Variants in DPP10 observed in about 807,000 individuals in gnomAD.
DPP10 encodes the protein inactive dipeptidyl peptidase 10.
Under a neutral mutation model 120.9 loss-of-function variants are expected in DPP10, and 33 were observed. That is an observed-to-expected ratio of 0.27 (90% confidence interval 0.21 to 0.37). The LOEUF (loss-of-function observed/expected upper bound fraction) is 0.37, where lower values mean the gene tolerates loss of function less well. Among genes scored for constraint, DPP10 ranks in the 10% least tolerant of loss-of-function variants. The probability of loss-of-function intolerance (pLI) is 1.00; values close to 1 mark genes in which losing one functional copy is unlikely to be tolerated. For synonymous variants in DPP10, 337 were observed against 326.1 expected, an observed-to-expected ratio of 1.03 and a Z score of -0.36; for missense variants, 816 against 942.8, an observed-to-expected ratio of 0.87 and a Z score of 1.76.
chr2:115,782,299 A>T, intron 16 of DPP10, 53 bp from the exon 17 acceptor site: 1 of 1,481,024 alleles, frequency 6.8e-7, no homozygotes, highest in Non-Finnish European at 9.3e-7. Context: ...CTTTCTAATG[A>T]TTATTACTTA....
chr2:115,056,355 T>C (rs2105367518), intron 1 of DPP10, among the ~76,000 whole-genome samples: 1 of 152,186 alleles, frequency 6.6e-6, no homozygotes, highest in Non-Finnish European at 1.5e-5. Flanking sequence ...ACCATGATTA[T>C]AGGTTCTGAA....
intron 1 of DPP10, among the ~76,000 whole-genome samples, chr2:114,512,667 C>G (rs1684243769): frequency 6.6e-6 from 1 of 152,230 alleles, no homozygotes; most frequent in Non-Finnish European, 1.5e-5. Flanking sequence ...CTTTACATAT[C>G]ATGAGTTACC....
intron 19 of DPP10, among the ~76,000 whole-genome samples, chr2:115,801,783 C>A (rs1020698927): frequency 2.0e-4 from 30 of 152,030 alleles, no homozygotes; most frequent in Admixed American, 3.3e-4. Flanking sequence ...GGGATGAAGC[C>A]CACTTGATCA....
chr2:114,759,169 A>C (rs1680057711), intron 1 of DPP10, among the ~76,000 whole-genome samples: 1 of 152,336 alleles, frequency 6.6e-6, no homozygotes, highest in East Asian at 1.9e-4. Flanking sequence ...TAGAAGAAAA[A>C]GGCAGTTACC....
chr2:115,379,860 G>A (rs1192184239), intron 3 of DPP10, among the ~76,000 whole-genome samples: 1 of 152,148 alleles, frequency 6.6e-6, no homozygotes, highest in East Asian at 1.9e-4. Flanking sequence ...GAGTTGAGCG[G>A]TTTTGAGTGA....
chr2:115,047,789 G>C (rs1476928112), intron 1 of DPP10, among the ~76,000 whole-genome samples: 1 of 152,060 alleles, frequency 6.6e-6, no homozygotes, highest in Non-Finnish European at 1.5e-5. Context: ...AGAGAGGCTA[G>C]ATTACTTCTT....
At chr2:114,817,033 A>C (rs2106342795) in intron 1 of DPP10, among the ~76,000 whole-genome samples, 1 of 152,344 alleles carries the variant, frequency 6.6e-6, no homozygotes, top group East Asian at 1.9e-4. Flanking sequence ...CAAAGGTATA[A>C]ATAACCGGCC....
chr2:114,663,694 G>GAGAGAGAGAGAGAGAGAGAGAA (rs1697668264), intron 1 of DPP10, among the ~76,000 whole-genome samples: 1 of 147,968 alleles, frequency 6.8e-6, no homozygotes, highest in African/African-American at 2.5e-5. Flanking sequence ...GAGAGAGAGA[G>GAGAGAGAGAGAGAGAGAGAGAA]AGAAACTGAC....
chr2:114,514,095 T>C (rs1684395138), intron 1 of DPP10, among the ~76,000 whole-genome samples: 1 of 152,160 alleles, frequency 6.6e-6, no homozygotes, highest in Non-Finnish European at 1.5e-5. Context: ...CTAGAAAACC[T>C]CAAATTCAGT....
chr2:115,356,747 A>T (rs866826867), intron 3 of DPP10, among the ~76,000 whole-genome samples: 1 of 152,226 alleles, frequency 6.6e-6, no homozygotes, highest in African/African-American at 2.4e-5. Flanking sequence ...TGTTTTATTG[A>T]GAGTTTTTCT....
rs141715303 is a variant in DPP10, at chr2:114,496,886, T to C, written c.60+54048T>C. On this transcript the variant is annotated intron_variant, in intron 1 of 25. Coordinates refer to ENST00000410059, the MANE Select transcript of DPP10 (RefSeq NM_020868.6). The stretch of plus-strand genomic sequence containing the variant: ...AACTGGAAGAAACAAGTCCTTTGTT[T>C]CTCCTCCAGCCTCTAATAGGTTAAT... Among the ~76,000 whole-genome samples the C allele has an allele frequency of 1.0e-3, 154 of 151,988 alleles. 1 individual carries two copies. The highest frequency in any genetic ancestry group is 1.8e-3 in the Admixed American group (27 of 15,266).
At chr2:115,010,722 G>T (rs1244558820) in intron 1 of DPP10, among the ~76,000 whole-genome samples, 1 of 152,084 alleles carries the variant, frequency 6.6e-6, no homozygotes, top group Admixed American at 6.5e-5. Context: ...ATCATTTTAT[G>T]AACAAAATGT....
intron 1 of DPP10, among the ~76,000 whole-genome samples, chr2:115,117,338 CA>C (rs2049569385): frequency 6.6e-6 from 1 of 152,104 alleles, no homozygotes; most frequent in African/African-American, 2.4e-5. Flanking sequence ...GGTGGAAAGC[CA>C]AAACAGCAAT....
chr2:114,948,658 G>A (rs1433877895), intron 1 of DPP10, among the ~76,000 whole-genome samples: 1 of 152,072 alleles, frequency 6.6e-6, no homozygotes, highest in Non-Finnish European at 1.5e-5. Flanking sequence ...CTTCCTCAGG[G>A]ATCTTGCTTG....
At chr2:115,583,321 C>T (rs1298055897) in intron 5 of DPP10, among the ~76,000 whole-genome samples, 1 of 152,150 alleles carries the variant, frequency 6.6e-6, no homozygotes, top group Non-Finnish European at 1.5e-5. Context: ...CATTCTATAT[C>T]ATAGTTTTCT....
chr2:115,245,103 T>C (rs542023532), intron 1 of DPP10, among the ~76,000 whole-genome samples: 13 of 152,168 alleles, frequency 8.5e-5, no homozygotes, highest in African/African-American at 2.9e-4. Context: ...TATTTGATTT[T>C]CCATCCCTGA....
chr2:115,547,464 A>G (rs1434620828), intron 5 of DPP10, among the ~76,000 whole-genome samples: 2 of 152,192 alleles, frequency 1.3e-5, no homozygotes, highest in Non-Finnish European at 2.9e-5. Flanking sequence ...GCTCCATATC[A>G]GATACACTTT....
intron 1 of DPP10, among the ~76,000 whole-genome samples, chr2:115,014,318 C>G (rs533988816): frequency 6.6e-6 from 1 of 152,222 alleles, no homozygotes; most frequent in South Asian, 2.1e-4. Flanking sequence ...CACAATATAG[C>G]AGAATCTCTG....
intron 21 of DPP10, among the ~76,000 whole-genome samples, chr2:115,830,929 G>C (rs933702200): frequency 2.0e-5 from 3 of 151,910 alleles, no homozygotes; most frequent in Admixed American, 6.6e-5. Flanking sequence ...TTGAGGGAGG[G>C]CCTCTCAGTG....
Sources: gnomAD v4.1 joint callset for allele counts (sites outside exome capture counted in the v4.1 genomes callset) on GRCh38, gnomAD v4.1.1 for gene constraint, MANE v1.5 for transcripts, NCBI Gene and HGNC (gene_info 2026-07-23, HGNC 2026-07-21) for gene names.